PARP15: variants seen among roughly 807,000 people sequenced by gnomAD.
PARP15 encodes the protein protein mono-ADP-ribosyltransferase PARP15.
Under a neutral mutation model 62.1 loss-of-function variants are expected in PARP15, and 50 were observed. The ratio of observed to expected loss-of-function variants is 0.81; its 90% CI spans 0.64 to 1.02. PARP15 has a LOEUF of 1.02. Ranked by LOEUF, PARP15 falls within the 50% of genes least tolerant of loss-of-function variation. PARP15 has a pLI of 0.00. For missense variants in PARP15, 820 were observed against 826.5 expected (o/e 0.99, Z 0.10); for synonymous variants, 309 against 293.1 (o/e 1.05, Z -0.55).
At chr3:122,612,733 A>G (rs1371098074) in intron 3 of PARP15, among the ~76,000 whole-genome samples, 1 of 148,492 alleles carries the variant, frequency 6.7e-6, no homozygotes, top group Non-Finnish European at 1.5e-5. Flanking sequence ...CTGCCAATAC[A>G]TTTTTTTTTT....
chr3:122,593,232 G>C (rs982581600), intron 1 of PARP15, among the ~76,000 whole-genome samples: 1 of 152,026 alleles, frequency 6.6e-6, no homozygotes, highest in Non-Finnish European at 1.5e-5. Context: ...TTCACCCCCC[G>C]GGTTCAAGCT....
intron 2 of PARP15, among the ~76,000 whole-genome samples, chr3:122,607,532 A>G (rs954675479): frequency 6.6e-6 from 1 of 152,242 alleles, no homozygotes; most frequent in Non-Finnish European, 1.5e-5. Context: ...AAGGACTCAA[A>G]AAAATGATAG....
At chr3:122,579,082 A>G (rs1362002080) in intron 1 of PARP15, among the ~76,000 whole-genome samples, 1 of 152,198 alleles carries the variant, frequency 6.6e-6, no homozygotes, top group East Asian at 1.9e-4. Context: ...ACAAATTGAA[A>G]TATCTGTGTA....
At chr3:122,615,489 T>C in intron 4 of PARP15, 1 of 1,213,368 alleles carries the variant, frequency 8.2e-7, no homozygotes, top group Non-Finnish European at 1.1e-6. Flanking sequence ...ATAACGATAG[T>C]GGTCACAAAA....
chr3:122,617,032 T>A lies in PARP15; in HGVS notation c.868T>A (p.Ser290Thr). Residue 290 changes from serine to threonine, a missense_variant, in exon 6 of 12, where the codon TCT becomes ACT. Ser to Thr is a moderately conservative substitution (Grantham distance 58). Around this residue, in one of 3 missense-constraint regions of PARP15, gnomAD observed 731 missense variants for 727.7 expected, o/e 1.00. Coordinates refer to ENST00000464300, the MANE Select transcript of PARP15 (RefSeq NM_001113523.3). ...GDTQGVVGTV[S>T]KPCFTAYEMK... ...CTTTTCAGGTGTGGTCGGGACTGTC[T>A]CTAAGCCTTGTTTCACAGCATATGA... The A allele has an allele frequency of 6.2e-7, 1 of 1,614,170 alleles. No homozygotes were observed. The highest frequency in any genetic ancestry group is 8.5e-7 in the Non-Finnish European group (1 of 1,180,022).
chr3:122,599,557 T>A (rs1394254863), intron 1 of PARP15, among the ~76,000 whole-genome samples: 1 of 151,616 alleles, frequency 6.6e-6, no homozygotes, highest in Admixed American at 6.6e-5. Flanking sequence ...TCTTTCTTTC[T>A]TTTTCTTTCC....
chr3:122,603,212 G>T (rs1934930502), intron 1 of PARP15, among the ~76,000 whole-genome samples: 1 of 152,124 alleles, frequency 6.6e-6, no homozygotes, highest in Non-Finnish European at 1.5e-5. Context: ...CTCGCATATG[G>T]AAGTTCCTGC....
Position 122,621,433 on chromosome 3 carries a change from CT to C in PARP15, c.1064-4del, listed in dbSNP as rs1389062411. The C allele has an allele frequency of 5.0e-6, 8 of 1,588,110 alleles. No homozygotes were observed. The highest frequency in any genetic ancestry group is 2.7e-5 in the African/African-American group (2 of 73,198). On this transcript the variant is annotated splice_polypyrimidine_tract_variant and intron_variant, in intron 7 of 11. Transcript: ENST00000464300. ...TGGGCTGCATGTTTGTTTTTCTTTCCTTTTTTTCAGCTGCACAGCCTCACAG... is the reference window on the plus strand; with the variant it reads ...TGGGCTGCATGTTTGTTTTTCTTTCCTTTTTTCAGCTGCACAGCCTCACAG...
chr3:122,598,952 G>T (rs1345884922), intron 1 of PARP15, among the ~76,000 whole-genome samples: 3 of 152,072 alleles, frequency 2.0e-5, no homozygotes, highest in African/African-American at 7.2e-5. Flanking sequence ...CAGGAGTGCA[G>T]TGGCGTGATC....
chr3:122,635,685 T>G, intron 11 of PARP15, 126 bp from the exon 12 acceptor site: 1 of 1,077,006 alleles, frequency 9.3e-7, no homozygotes, highest in Non-Finnish European at 1.3e-6. Flanking sequence ...AGTGTTGGGA[T>G]TACAGGCATG....
At chr3:122,625,968 A>G (rs1194399727) in intron 8 of PARP15, among the ~76,000 whole-genome samples, 1 of 152,214 alleles carries the variant, frequency 6.6e-6, no homozygotes, top group Non-Finnish European at 1.5e-5. Flanking sequence ...CACCAGGAAC[A>G]CACACTACGG....
At chr3:122,628,546 A>T (rs999648781) in intron 9 of PARP15, among the ~76,000 whole-genome samples, 1 of 152,240 alleles carries the variant, frequency 6.6e-6, no homozygotes, top group Admixed American at 6.5e-5. Context: ...AGTCATTATC[A>T]GTAAAGTAAA....
rs992324422 is a variant in PARP15 at position 122,636,852 on chromosome 3, C to T, written c.*752C>T. ...AGGTCTATTTCCAAGGTGAATCACTCACATACCTGGCACGTTTCTGTCAGG... is the reference window on the plus strand; with the variant it reads ...AGGTCTATTTCCAAGGTGAATCACTTACATACCTGGCACGTTTCTGTCAGG... On this transcript the variant is annotated 3_prime_UTR_variant, in exon 12 of 12. Transcript: ENST00000464300. 1 of 152,238 alleles carries T rather than the reference C, an allele frequency of 6.6e-6. No individual in the cohort carries two copies. Among genetic ancestry groups the T allele is most frequent in the Non-Finnish European group, 1.5e-5 (1 of 68,146 alleles). 9.4% of individuals were successfully genotyped at this position (152,238 alleles called of 1,614,324 possible).
rs1260197703 is a variant in PARP15, at chr3:122,638,819, T to A, written c.*2719T>A. On this transcript the variant is annotated 3_prime_UTR_variant, in exon 12 of 12. Transcript: ENST00000464300. Reference sequence around the variant, plus strand: ...CTTTAGTTTAATTAGATCCCATATTTCTACCATTTTTCATTAAACATTACA... The same window carrying A: ...CTTTAGTTTAATTAGATCCCATATTACTACCATTTTTCATTAAACATTACA... 1 of 152,190 alleles carries A rather than the reference T, an allele frequency of 6.6e-6. No homozygotes were observed. Among genetic ancestry groups the A allele is most frequent in the Non-Finnish European group, 1.5e-5 (1 of 68,036 alleles). The allele number at this position is 152,190 out of a possible 1,614,324, so 9.4% of individuals were successfully genotyped here.
In PARP15 at chr3:122,610,661, T is replaced by A. The variant is rs114254425; in HGVS notation, c.474T>A (p.Asn158Lys). The A allele has an allele frequency of 3.1e-3, 4,828 of 1,551,012 alleles. 121 individuals are homozygous for A. The African/African-American group carries it at 0.052, about 17-fold the overall frequency. Reference sequence around the variant, plus strand: ...ACATATTCATGACAAGCGGCTGCAATCTGGACTGCAAAGCTGTGCTCCATG... The same window carrying A: ...ACATATTCATGACAAGCGGCTGCAAACTGGACTGCAAAGCTGTGCTCCATG... ...VGNIFMTSGC[N>K]LDCKAVLHAV... The change falls in exon 3 of 12, where the codon AAT becomes AAA. Residue 158 changes from asparagine (N) to lysine (K), a missense_variant. By Grantham distance (94) the Asn-to-Lys change is moderately conservative. Transcript: ENST00000464300.
intron 6 of PARP15, among the ~76,000 whole-genome samples, chr3:122,618,959 A>G (rs1313015094): frequency 6.6e-6 from 1 of 152,278 alleles, no homozygotes; most frequent in Non-Finnish European, 1.5e-5. Context: ...GCAAAGACAG[A>G]GACCAGAACA....
chr3:122,580,109 A>T (rs572816159), intron 1 of PARP15, among the ~76,000 whole-genome samples: 1 of 150,004 alleles, frequency 6.7e-6, no homozygotes, highest in East Asian at 2.0e-4. Context: ...TAAATTTCCA[A>T]GCACACTTGA....
At chr3:122,590,501 C>T (rs1305809828) in intron 1 of PARP15, among the ~76,000 whole-genome samples, 1 of 152,048 alleles carries the variant, frequency 6.6e-6, no homozygotes, top group African/African-American at 2.4e-5. Flanking sequence ...GTCTCGATCT[C>T]CTGACCTCGT....
chr3:122,588,951 A>C (rs577946138), intron 1 of PARP15, among the ~76,000 whole-genome samples: 1 of 152,206 alleles, frequency 6.6e-6, no homozygotes, highest in African/African-American at 2.4e-5. Flanking sequence ...TTGTATGAAT[A>C]TATCACCTTT....
Sources: allele counts gnomAD v4.1 joint callset (sites outside exome capture counted in the v4.1 genomes callset), GRCh38; gene constraint gnomAD v4.1.1; regional missense constraint gnomAD v4.1.1; transcripts MANE v1.5; gene names NCBI Gene and HGNC (gene_info 2026-07-23, HGNC 2026-07-21).